The following SLC25A11 variants were observed in gnomAD, a reference collection of about 807,000 sequenced individuals.
SLC25A11 encodes mitochondrial 2-oxoglutarate/malate carrier protein.
SLC25A11 carries 11 observed loss-of-function variants against 32.7 expected under a neutral mutation model. The observed-to-expected ratio is 0.34, with a 90% CI of 0.21 to 0.56. SLC25A11 has a LOEUF of 0.56. SLC25A11 is among the 20% of genes least tolerant of loss of function. SLC25A11 has a pLI of 0.90. For missense variants in SLC25A11, 295 were observed against 426.3 expected (o/e 0.69, Z 2.71); for synonymous variants, 163 against 168.3 (o/e 0.97, Z 0.24).
Position 4,937,700 on chromosome 17 carries a change from T to C in SLC25A11, c.*41A>G, listed in dbSNP as rs1970455791. 1.3e-6 allele frequency: 2 copies of C among 1,560,102 alleles called. No homozygotes were observed. The highest frequency in any genetic ancestry group is 1.2e-5 in the South Asian group (1 of 83,010). The stretch of plus-strand genomic sequence containing the variant: ...CAGAGCCCAGGCCCCCAGGGCGCAG[T>C]GGCTATAGGCGCAGCAGGCGAGTGG... On this transcript the variant is annotated 3_prime_UTR_variant, in exon 8 of 8. Coordinates refer to ENST00000225665, the MANE Select transcript of SLC25A11 (RefSeq NM_003562.5).
In SLC25A11 at chr17:4,939,126, T is replaced by C; in HGVS notation, c.182A>G (p.Tyr61Cys). The change falls in exon 2 of 8, where the codon TAC becomes TGC. Residue 61 changes from tyrosine to cysteine, a missense_variant. By Grantham distance (194) the Tyr-to-Cys change is radical (BLOSUM62 -2). Coordinates refer to ENST00000225665, the MANE Select transcript of SLC25A11 (RefSeq NM_003562.5). The surrounding 1 kb of genome is among the most constrained non-coding windows in gnomAD (Gnocchi z 4.1). ...LSGEGAKTRE[Y>C]KTSFHALTSI... Reference sequence around the variant, plus strand: ...GGTGAGGGCATGGAAGCTGGTTTTGTACTCTCGAGTCTTGGCCCCTTCCCC... The same window carrying C: ...GGTGAGGGCATGGAAGCTGGTTTTGCACTCTCGAGTCTTGGCCCCTTCCCC... 6.2e-7 allele frequency: 1 copy of C among 1,614,206 alleles called. No individual in the cohort carries two copies. Among genetic ancestry groups the C allele is most frequent in the Non-Finnish European group, 8.5e-7 (1 of 1,180,040 alleles).
chr17:4,938,748 A>G lies in SLC25A11; in HGVS notation c.455+21T>C, dbSNP rs1323144149. On this transcript the variant is annotated intron_variant, in intron 3 of 7. Coordinates refer to ENST00000225665, the MANE Select transcript of SLC25A11 (RefSeq NM_003562.5). This position sits in a 1 kb window ranked among gnomAD's most constrained non-coding sequence, Gnocchi z 7.6. ...GATTCGAGGGAATGGGGCTGGGGTT[A>G]GGTTCAGACTTGGAACTCACCGGCC... 6.2e-7 allele frequency: 1 copy of G among 1,602,246 alleles called. No individual in the cohort carries two copies. The highest frequency in any genetic ancestry group is 8.5e-7 in the Non-Finnish European group (1 of 1,171,696).
At position 4,939,311 on chromosome 17, in the gene SLC25A11, C is replaced by T. The variant is rs1427419298; in HGVS notation, c.96-99G>A. The T allele has an allele frequency of 1.5e-6, 2 of 1,309,274 alleles. No individual in the cohort carries two copies. The highest frequency in any genetic ancestry group is 4.9e-5 in the Admixed American group (2 of 40,854). 81.1% of individuals were successfully genotyped at this position (1,309,274 alleles called of 1,614,324 possible). Reference sequence around the variant, plus strand: ...AGAGGTTACAAAGGTCAGGGCCTGCCATGCGATTCAAGAATCAGGATGCTG... The same window carrying T: ...AGAGGTTACAAAGGTCAGGGCCTGCTATGCGATTCAAGAATCAGGATGCTG... On this transcript the variant is annotated intron_variant, in intron 1 of 7. Transcript: ENST00000225665. This position sits in a 1 kb window ranked among gnomAD's most constrained non-coding sequence, Gnocchi z 4.1.
chr17:4,938,376 G>A lies in SLC25A11; in HGVS notation c.600C>T (p.Ala200=), dbSNP rs1970484109. ...RAVVVNAAQL[A]SYSQSKQFLL... Reference sequence around the variant, plus strand: ...AGAACTGCTTGGATTGGGAGTAGGAGGCGAGCTGGGCAGCATTGACGACGA... The same window carrying A: ...AGAACTGCTTGGATTGGGAGTAGGAAGCGAGCTGGGCAGCATTGACGACGA... Residue 200 remains alanine, a synonymous_variant, in exon 5 of 8, where the codon GCC becomes GCT. Transcript: ENST00000225665. The surrounding 1 kb of genome is among the most constrained non-coding windows in gnomAD (Gnocchi z 7.6). The A allele has an allele frequency of 6.2e-7, 1 of 1,614,010 alleles. No individual in the cohort carries two copies. Among genetic ancestry groups the A allele is most frequent in the Admixed American group, 1.7e-5 (1 of 60,008 alleles).
In SLC25A11 at chr17:4,938,346, C is replaced by T; in HGVS notation, c.630G>A (p.Leu210=). 6.2e-7 allele frequency: 1 copy of T among 1,614,118 alleles called. No homozygotes were observed. Among genetic ancestry groups the T allele is most frequent in the Non-Finnish European group, 8.5e-7 (1 of 1,180,020 alleles). Residue 210 remains leucine (L), a synonymous_variant, in exon 5 of 8, where the codon CTG becomes CTA. Transcript: ENST00000225665. The surrounding 1 kb of genome is among the most constrained non-coding windows in gnomAD (Gnocchi z 7.6). ...ASYSQSKQFL[L]DSGYFSDNIL... ...CCCAGCTCTGGATCTCACCTGAGTC[C>T]AGTAAGAACTGCTTGGATTGGGAGT...
rs141424464 is a variant in SLC25A11, at chr17:4,939,890, G to A, written c.21C>T (p.Ala7=). 28 of 1,610,916 alleles carry A rather than the reference G, an allele frequency of 1.7e-5. No homozygotes were observed. In the African/African-American group the frequency reaches 2.7e-4, roughly 15 times the overall value. The change falls in exon 1 of 8, where the codon GCC becomes GCT. Residue 7 remains alanine, a synonymous_variant. Transcript: ENST00000225665. The surrounding 1 kb of genome is among the most constrained non-coding windows in gnomAD (Gnocchi z 4.1). The part of the protein sequence containing the change: MAATAS[A]GAGGIDGKPR... ...GCTTCCCGTCTATCCCGCCGGCCCC[G>A]GCACTCGCCGTCGCCGCCATCGCCA...
chr17:4,938,673 G>A lies in SLC25A11; in HGVS notation c.456-71C>T. On this transcript the variant is annotated intron_variant, in intron 3 of 7. Transcript: ENST00000225665. This position sits in a 1 kb window ranked among gnomAD's most constrained non-coding sequence, Gnocchi z 7.6. ...TGCAAAGAAAGGAAGGCCAGAACAG[G>A]TAAACACTCTGCTCCAGATCCGGGA... 3.2e-6 allele frequency: 5 copies of A among 1,584,422 alleles called. No homozygotes were observed. Among genetic ancestry groups the A allele is most frequent in the Non-Finnish European group, 4.3e-6 (5 of 1,153,712 alleles).
Position 4,938,861 on chromosome 17 carries a change from C to T in SLC25A11, c.363G>A (p.Leu121=). The T allele has an allele frequency of 6.2e-7, 1 of 1,614,144 alleles. No individual in the cohort carries two copies. The highest frequency in any genetic ancestry group is 8.5e-7 in the Non-Finnish European group (1 of 1,180,014). The change falls in exon 3 of 8, where the codon CTG becomes CTA. Residue 121 remains leucine (L), a synonymous_variant. Coordinates refer to ENST00000225665, the MANE Select transcript of SLC25A11 (RefSeq NM_003562.5). The surrounding 1 kb of genome is among the most constrained non-coding windows in gnomAD (Gnocchi z 7.6). ...CTGCGGTCATGCCAATCACAGCCTT[C>T]AGCAGAAAGCCAGGGGGAGTACCAT... ...GADGTPPGFL[L]KAVIGMTAGA... is the part of the protein sequence containing the mutation.
Position 4,938,447 on chromosome 17 carries a change from G to C in SLC25A11, c.547-18C>G. 1 of 1,614,050 alleles carries C rather than the reference G, an allele frequency of 6.2e-7. No homozygotes were observed. Among genetic ancestry groups the C allele is most frequent in the Non-Finnish European group, 8.5e-7 (1 of 1,179,936 alleles). On this transcript the variant is annotated intron_variant, in intron 4 of 7. Transcript: ENST00000225665. This position sits in a 1 kb window ranked among gnomAD's most constrained non-coding sequence, Gnocchi z 7.6. ...ATGCAGCCCTGGAGGGAGGGGAGCG[G>C]GGAAGAGTCAGAAACCCCTAAAACC...
At position 4,939,362 on chromosome 17, in the gene SLC25A11, T is replaced by G; in HGVS notation, c.96-150A>C. On this transcript the variant is annotated intron_variant, in intron 1 of 7. Coordinates refer to ENST00000225665, the MANE Select transcript of SLC25A11 (RefSeq NM_003562.5). The surrounding 1 kb of genome is among the most constrained non-coding windows in gnomAD (Gnocchi z 4.1). ...GTGAGCATGTGTATAAGAGTCTATA[T>G]GTACACCAAGTGCAACGGGTCTGAA... 3.5e-6 allele frequency: 3 copies of G among 867,534 alleles called. No homozygotes were observed. In the South Asian group the frequency reaches 5.4e-5, roughly 16 times the overall value. The allele number at this position is 867,534 out of a possible 1,614,324, so 53.7% of individuals were successfully genotyped here.
chr17:4,938,670 C>G lies in SLC25A11; in HGVS notation c.456-68G>C. 6.3e-7 allele frequency: 1 copy of G among 1,584,278 alleles called. No homozygotes were observed. Among genetic ancestry groups the G allele is most frequent in the South Asian group, 1.1e-5 (1 of 90,448 alleles). On this transcript the variant is annotated intron_variant, in intron 3 of 7. Transcript: ENST00000225665. The surrounding 1 kb of genome is among the most constrained non-coding windows in gnomAD (Gnocchi z 7.6). Reference sequence around the variant, plus strand: ...AGGTGCAAAGAAAGGAAGGCCAGAACAGGTAAACACTCTGCTCCAGATCCG... The same window carrying G: ...AGGTGCAAAGAAAGGAAGGCCAGAAGAGGTAAACACTCTGCTCCAGATCCG...
Position 4,939,756 on chromosome 17 carries a change from G to A in SLC25A11, c.95+60C>T. 5 of 1,344,352 alleles carry A rather than the reference G, an allele frequency of 3.7e-6. No individual in the cohort carries two copies. The highest frequency in any genetic ancestry group is 4.2e-6 in the Non-Finnish European group (4 of 946,672). The allele number at this position is 1,344,352 out of a possible 1,614,324, so 83.3% of individuals were successfully genotyped here. The stretch of plus-strand genomic sequence containing the variant: ...TGCAACAGACCCAGAGATGAACCGG[G>A]CCCGGTTCCTTTTGCCCTTCCCTTC... On this transcript the variant is annotated intron_variant, in intron 1 of 7. Coordinates refer to ENST00000225665, the MANE Select transcript of SLC25A11 (RefSeq NM_003562.5). The surrounding 1 kb of genome is among the most constrained non-coding windows in gnomAD (Gnocchi z 4.1).
chr17:4,938,188 C>T lies in SLC25A11; in HGVS notation c.703G>A (p.Ala235Thr). ...ASMISGLVTT[A>T]ASMPVDIAKT... ...GCAATGTCCACAGGCATGGAGGCAG[C>T]AGTGGTGACAAGACCGCTGATCATG... Residue 235 changes from alanine to threonine, a missense_variant, in exon 6 of 8, where the codon GCT becomes ACT. This residue lies in a region of SLC25A11 where 142 missense variants were observed against 197.8 expected (regional missense o/e 0.72). Coordinates refer to ENST00000225665, the MANE Select transcript of SLC25A11 (RefSeq NM_003562.5). The surrounding 1 kb of genome is among the most constrained non-coding windows in gnomAD (Gnocchi z 7.6). The T allele has an allele frequency of 6.2e-7, 1 of 1,614,168 alleles. No homozygotes were observed. Among genetic ancestry groups the T allele is most frequent in the Non-Finnish European group, 8.5e-7 (1 of 1,180,006 alleles).
At position 4,939,526 on chromosome 17, in the gene SLC25A11, G is replaced by T; in HGVS notation, c.95+290C>A. 1 of 577,934 alleles carries T rather than the reference G, an allele frequency of 1.7e-6. No individual in the cohort carries two copies. Among genetic ancestry groups the T allele is most frequent in the East Asian group, 2.9e-5 (1 of 34,336 alleles). The allele number at this position is 577,934 out of a possible 1,614,324, so 35.8% of individuals were successfully genotyped here. A position where few individuals can be genotyped will look rare whatever the true frequency, so the allele number is the denominator to read the frequency against. On this transcript the variant is annotated intron_variant, in intron 1 of 7. Transcript: ENST00000225665. This position sits in a 1 kb window ranked among gnomAD's most constrained non-coding sequence, Gnocchi z 4.1. ...CATCCAAGATTTAGGACTCCAGGTA[G>T]TCCTGCAGGAGCCATTTAATGGCCT...
At position 4,938,730 on chromosome 17, in the gene SLC25A11, G is replaced by A. The variant is rs1349392075; in HGVS notation, c.455+39C>T. On this transcript the variant is annotated intron_variant, in intron 3 of 7. Coordinates refer to ENST00000225665, the MANE Select transcript of SLC25A11 (RefSeq NM_003562.5). This position sits in a 1 kb window ranked among gnomAD's most constrained non-coding sequence, Gnocchi z 7.6. ...ACTGGTCCTTTCATTCTAGATTCGA[G>A]GGAATGGGGCTGGGGTTAGGTTCAG... 2.5e-6 allele frequency: 4 copies of A among 1,596,296 alleles called. No homozygotes were observed. The highest frequency in any genetic ancestry group is 3.4e-6 in the Non-Finnish European group (4 of 1,166,966).
chr17:4,938,651 A>C lies in SLC25A11; in HGVS notation c.456-49T>G. ...CAAGATCAGGATTGCCCACAGGTGC[A>C]AAGAAAGGAAGGCCAGAACAGGTAA... On this transcript the variant is annotated intron_variant, in intron 3 of 7. Transcript: ENST00000225665. This position sits in a 1 kb window ranked among gnomAD's most constrained non-coding sequence, Gnocchi z 7.6. The C allele has an allele frequency of 6.2e-7, 1 of 1,600,914 alleles. No individual in the cohort carries two copies. Among genetic ancestry groups the C allele is most frequent in the Non-Finnish European group, 8.6e-7 (1 of 1,168,318 alleles).
Position 4,939,400 on chromosome 17 carries a change from C to G in SLC25A11, c.96-188G>C, listed in dbSNP as rs1172208871. On this transcript the variant is annotated intron_variant, in intron 1 of 7. Coordinates refer to ENST00000225665, the MANE Select transcript of SLC25A11 (RefSeq NM_003562.5). The surrounding 1 kb of genome is among the most constrained non-coding windows in gnomAD (Gnocchi z 4.1). ...CAACGGGTCTGAAAAGTCTAGTTGT[C>G]CAGTAGGGGCCATGCAATGAAAGTG... is the stretch of plus-strand genomic sequence containing the variant. 3 of 643,328 alleles carry G rather than the reference C, an allele frequency of 4.7e-6. No homozygotes were observed. Among genetic ancestry groups the G allele is most frequent in the Non-Finnish European group, 7.9e-6 (3 of 378,842 alleles). 39.9% of individuals were successfully genotyped at this position (643,328 alleles called of 1,614,324 possible). A position where few individuals can be genotyped will look rare whatever the true frequency, so the allele number is the denominator to read the frequency against.
Position 4,939,275 on chromosome 17 carries a change from G to A in SLC25A11, c.96-63C>T. 3.3e-6 allele frequency: 5 copies of A among 1,533,702 alleles called. No individual in the cohort carries two copies. The highest frequency in any genetic ancestry group is 1.9e-5 in the Admixed American group (1 of 53,406). On this transcript the variant is annotated intron_variant, in intron 1 of 7. Transcript: ENST00000225665. This position sits in a 1 kb window ranked among gnomAD's most constrained non-coding sequence, Gnocchi z 4.1. ...TCCAGATCTACCAGTGCCCACTGGA[G>A]CCTGGCAGCAAGAGGTTACAAAGGT...
chr17:4,938,421 G>A lies in SLC25A11; in HGVS notation c.555C>T (p.Ile185=), dbSNP rs767538587. The change falls in exon 5 of 8, where the codon ATC becomes ATT. Residue 185 remains isoleucine (I), a synonymous_variant. Transcript: ENST00000225665. This position sits in a 1 kb window ranked among gnomAD's most constrained non-coding sequence, Gnocchi z 7.6. ...CGACGACGGCCCGAGCCATGGTAGG[G>A]ATGCAGCCCTGGAGGGAGGGGAGCG... ...EGVLTLWRGC[I]PTMARAVVVN... is the part of the protein sequence containing the mutation. 3 of 1,614,038 alleles carry A rather than the reference G, an allele frequency of 1.9e-6. No individual in the cohort carries two copies. Among genetic ancestry groups the A allele is most frequent in the African/African-American group, 2.7e-5 (2 of 74,914 alleles).
Sources: gnomAD v4.1 joint callset for allele counts on GRCh38, gnomAD v4.1.1 for gene constraint, gnomAD v4.1.1 regional missense constraint, Gnocchi (gnomAD v3.1) non-coding constraint, MANE v1.5 for transcripts, NCBI Gene and HGNC (gene_info 2026-07-23, HGNC 2026-07-21) for gene names.